TRPV1: variants seen among roughly 807,000 people sequenced by gnomAD.
The protein encoded by TRPV1 is transient receptor potential cation channel subfamily V member 1, also known as OTRPC1.
TRPV1 carries 82 observed loss-of-function variants against 82.3 expected under a neutral mutation model. The ratio of observed to expected loss-of-function variants is 1.00; its 90% CI spans 0.83 to 1.20. The LOEUF (loss-of-function observed/expected upper bound fraction) is 1.20. Ranked by LOEUF, TRPV1 falls within the 50% of genes most tolerant of loss-of-function variation. The probability of loss-of-function intolerance (pLI) is 0.00; values close to 1 mark genes in which losing one functional copy is unlikely to be tolerated. For synonymous variants in TRPV1, 515 were observed against 467.7 expected, an observed-to-expected ratio of 1.10 and a Z score of -1.30; for missense variants, 1,067 against 1,096.8, an observed-to-expected ratio of 0.97 and a Z score of 0.38.
chr17:3,593,355 C>A (rs2075186014), intron 2 of TRPV1, among the ~76,000 whole-genome samples: 1 of 152,102 alleles, frequency 6.6e-6, no homozygotes, highest in Non-Finnish European at 1.5e-5. Flanking sequence ...GTCTTCTAGG[C>A]CTAAACACCT....
chr17:3,589,499 G>T (rs946423552), intron 7 of TRPV1, among the ~76,000 whole-genome samples: 1 of 152,110 alleles, frequency 6.6e-6, no homozygotes, highest in Non-Finnish European at 1.5e-5. Context: ...ACCGTGCCCA[G>T]CCCAACAGCT....
chr17:3,592,101 T>C lies in TRPV1; in HGVS notation c.250A>G (p.Ile84Val). The C allele has an allele frequency of 6.2e-7, 1 of 1,613,684 alleles. No homozygotes were observed. The highest frequency in any genetic ancestry group is 8.5e-7 in the Non-Finnish European group (1 of 1,179,826). The change falls in exon 3 of 17, where the codon ATC becomes GTC. Residue 84 changes from isoleucine (I) to valine (V), a missense_variant. Physicochemically the swap from Ile to Val is conservative, Grantham distance 29. Transcript: ENST00000572705. ...PTITVSPVIT[I>V]QRPGDGPTGA... Reference sequence around the variant, plus strand: ...GTGGGGCCGTCTCCTGGCCTCTGGATGGTGATAACAGGGCTGACTGTGATG... The same window carrying C: ...GTGGGGCCGTCTCCTGGCCTCTGGACGGTGATAACAGGGCTGACTGTGATG...
chr17:3,587,200 T>G lies in TRPV1; in HGVS notation c.1224+988A>C, dbSNP rs138266944. Among the ~76,000 whole-genome samples the G allele has an allele frequency of 2.3e-4, 35 of 152,302 alleles. 1 individual carries two copies. Among genetic ancestry groups the G allele is most frequent in the African/African-American group, 7.7e-4 (32 of 41,576 alleles). ...TGGACCTCTCCTCTGGGAACACTTG[T>G]ATCCAGCACTCTGAGTTGGAGGCCC... On this transcript the variant is annotated intron_variant, in intron 8 of 16. Coordinates refer to ENST00000572705, the MANE Select transcript of TRPV1 (RefSeq NM_080704.4).
chr17:3,582,475 C>T (rs1297330885), intron 10 of TRPV1, among the ~76,000 whole-genome samples: 2 of 151,944 alleles, frequency 1.3e-5, no homozygotes, highest in African/African-American at 4.8e-5. Context: ...TTTTTGTACG[C>T]AGCTAAGTTC....
chr17:3,575,238 T>C (rs1316680866), intron 13 of TRPV1, among the ~76,000 whole-genome samples: 1 of 152,060 alleles, frequency 6.6e-6, no homozygotes, highest in Non-Finnish European at 1.5e-5. Context: ...ATCCCAGCAC[T>C]TCGGGAGGCC....
At position 3,590,415 on chromosome 17, in the gene TRPV1, G is replaced by T. The variant is rs577935848; in HGVS notation, c.605-23C>A. ...GGCCTACAGAGGACGCGCACGGTTG[G>T]CTTCGTGGTCACGGTCCTGTGGGGC... is the stretch of plus-strand genomic sequence containing the variant. On this transcript the variant is annotated intron_variant, in intron 5 of 16. Coordinates refer to ENST00000572705, the MANE Select transcript of TRPV1 (RefSeq NM_080704.4). The T allele has an allele frequency of 1.9e-6, 3 of 1,609,564 alleles. No homozygotes were observed. In the South Asian group the frequency reaches 3.3e-5, roughly 18 times the overall value.
intron 3 of TRPV1, among the ~76,000 whole-genome samples, 174 bp from the exon 4 acceptor site, chr17:3,591,527 C>G (rs1335794855): frequency 6.6e-6 from 1 of 152,216 alleles, no homozygotes; most frequent in Non-Finnish European, 1.5e-5. Context: ...GTAACAGGGA[C>G]AGTGGAGGGC....
intron 16 of TRPV1, 117 bp downstream of exon 16, chr17:3,571,407 G>A (rs953663838): frequency 2.8e-5 from 21 of 750,366 alleles, no homozygotes; most frequent in African/African-American, 1.2e-4. Context: ...CTGCCACAGC[G>A]CCCGGGTCCT....
rs1020863527 is a variant in TRPV1 at position 3,592,122 on chromosome 17, T to C, written c.229A>G (p.Thr77Ala). 6.2e-7 allele frequency: 1 copy of C among 1,613,828 alleles called. No homozygotes were observed. The highest frequency in any genetic ancestry group is 1.3e-5 in the African/African-American group (1 of 75,012). The change falls in exon 3 of 17, where the codon ACA (threonine) becomes GCA (alanine). Residue 77 changes from threonine (T) to alanine (A), a missense_variant. Physicochemically the swap from Thr to Ala is moderately conservative, Grantham distance 58 (BLOSUM62 0). Coordinates refer to ENST00000572705, the MANE Select transcript of TRPV1 (RefSeq NM_080704.4). ...TGGATGGTGATAACAGGGCTGACTGTGATGGTCGGGCAGGAGTCCAGCTCA... is the reference window on the plus strand; with the variant it reads ...TGGATGGTGATAACAGGGCTGACTGCGATGGTCGGGCAGGAGTCCAGCTCA... ...EGELDSCPTI[T>A]VSPVITIQRP...
Position 3,587,691 on chromosome 17 carries a change from G to A in TRPV1, c.1224+497C>T, listed in dbSNP as rs1031774319. On this transcript the variant is annotated intron_variant, in intron 8 of 16. Coordinates refer to ENST00000572705, the MANE Select transcript of TRPV1 (RefSeq NM_080704.4). ...AAATTAGCAGGGCCTGGTGGCGCAT[G>A]CCTGTAATCCCAGCTACTTCGGATT... 9.2e-5 allele frequency among the ~76,000 whole-genome samples: 14 copies of A among 152,164 alleles called. 3 individuals carry two copies. The highest frequency in any genetic ancestry group is 1.9e-4 in the East Asian group (1 of 5,162).
At chr17:3,568,343 G>GAAAAGA (rs1406107922) in intron 16 of TRPV1, among the ~76,000 whole-genome samples, 1 of 148,400 alleles carries the variant, frequency 6.7e-6, no homozygotes, top group East Asian at 2.0e-4. Flanking sequence ...AAAAAGAAAA[G>GAAAAGA]AAAAGAAAAA....
At chr17:3,591,384 CCCT>C (rs2075155886) in intron 3 of TRPV1, 31 bp from the exon 4 acceptor site, 2 of 1,536,836 alleles carry the variant, frequency 1.3e-6, no homozygotes, top group East Asian at 4.5e-5. Flanking sequence ...TCGTCTCATA[CCCT>C]GGCCTCCCCT....
At chr17:3,606,969 G>C (rs1238147143) in intron 2 of TRPV1, among the ~76,000 whole-genome samples, 3 of 152,200 alleles carry the variant, frequency 2.0e-5, no homozygotes, top group Non-Finnish European at 4.4e-5. Flanking sequence ...AAGGACGCTG[G>C]TAAACTCAGC....
At chr17:3,573,532 GCCC>G in intron 14 of TRPV1, 98 bp downstream of exon 14, 3 of 257,076 alleles carry the variant, frequency 1.2e-5, no homozygotes, top group South Asian at 3.0e-5. Context: ...GCCACACACC[GCCC>G]CCACCACCCA....
At position 3,596,699 on chromosome 17, in the gene TRPV1, T is replaced by C. The variant is rs73303330; in HGVS notation, c.-33-4316A>G. On this transcript the variant is annotated intron_variant, in intron 2 of 16. Transcript: ENST00000572705. ...CCCAGGTGCTTCCAAGGAGCCAGGC[T>C]GAGGGCACCACAAGTTCGCTTCAGC... Among the ~76,000 whole-genome samples the C allele has an allele frequency of 1.7e-3, 255 of 152,334 alleles. 1 individual carries two copies. Among genetic ancestry groups the C allele is most frequent in the African/African-American group, 5.9e-3 (244 of 41,574 alleles).
In TRPV1 at chr17:3,585,851, T is replaced by C. The variant is rs201654071; in HGVS notation, c.1300A>G (p.Ile434Val). The C allele has an allele frequency of 4.8e-5, 78 of 1,613,782 alleles. No homozygotes were observed. The highest frequency in any genetic ancestry group is 3.5e-4 in the Admixed American group (21 of 59,988). The change falls in exon 9 of 17, where the codon ATC (isoleucine) becomes GTC (valine). Residue 434 changes from isoleucine (I) to valine (V), a missense_variant. Coordinates refer to ENST00000572705, the MANE Select transcript of TRPV1 (RefSeq NM_080704.4). ...TAGACCAGGAAGTTGAAGTAGAAGA[T>C]GCGCTTGACGAATCTGTCCCACTTG... ...QDKWDRFVKR[I>V]FYFNFLVYCL...
intron 2 of TRPV1, among the ~76,000 whole-genome samples, chr17:3,605,557 G>C (rs776434054): frequency 2.0e-5 from 3 of 151,852 alleles, no homozygotes; most frequent in Non-Finnish European, 4.4e-5. Context: ...GTTTAGATCA[G>C]ATCCCAGTAC....
Position 3,572,107 on chromosome 17 carries a change from G to A in TRPV1, c.2231+15C>T, listed in dbSNP as rs2074861813. ...AAGCTCCCAAGCCCTGATTCAGGTG[G>A]AGCCTGGGCATTACCTGAAGCACCA... On this transcript the variant is annotated intron_variant, in intron 15 of 16. Transcript: ENST00000572705. 6.2e-7 allele frequency: 1 copy of A among 1,610,476 alleles called. No individual in the cohort carries two copies. The highest frequency in any genetic ancestry group is 1.7e-5 in the Admixed American group (1 of 59,880).
intron 16 of TRPV1, among the ~76,000 whole-genome samples, chr17:3,569,299 C>T (rs1031924368): frequency 1.4e-4 from 21 of 151,696 alleles, no homozygotes; most frequent in Non-Finnish European, 2.9e-4. Context: ...TAGTGGCAGG[C>T]GCCTGTAGTC....
Sources: allele counts gnomAD v4.1 joint callset (sites outside exome capture counted in the v4.1 genomes callset), GRCh38; gene constraint gnomAD v4.1.1; transcripts MANE v1.5; gene names NCBI Gene and HGNC (gene_info 2026-07-23, HGNC 2026-07-21).